Variants in DMD observed in about 807,000 individuals in gnomAD.
DMD encodes the protein dystrophin, also known as mutant dystrophin.
Under a neutral mutation model 330.1 loss-of-function variants are expected in DMD, and 63 were observed. The observed-to-expected ratio is 0.19, with a 90% CI of 0.16 to 0.24. DMD has a LOEUF of 0.24. Among genes scored for constraint, DMD ranks in the 10% least tolerant of loss-of-function variants. DMD has a pLI of 1.00. For missense variants in DMD, 3,344 were observed against 2,684.1 expected (o/e 1.25, Z -5.43); for synonymous variants, 1,223 against 959.8 (o/e 1.27, Z -5.07).
chrX:31,206,405 C>T (rs888599710), intron 66 of DMD, among the ~76,000 whole-genome samples, 177 bp downstream of exon 66: 5 of 112,374 alleles, frequency 4.4e-5, no homozygotes, highest in Non-Finnish European at 9.4e-5. Context: ...TAAATGCCTG[C>T]AATTTAATGT....
At chrX:32,083,913 A>G (rs2096412415) in intron 44 of DMD, among the ~76,000 whole-genome samples, 2 of 112,719 alleles carry the variant, frequency 1.8e-5, no homozygotes, top group South Asian at 7.2e-4. Flanking sequence ...ATGCAAATAT[A>G]TGCATAATCA....
chrX:31,861,502 C>T (rs1352230113), intron 48 of DMD, among the ~76,000 whole-genome samples: 1 of 105,182 alleles, frequency 9.5e-6, no homozygotes, highest in African/African-American at 3.5e-5. Context: ...AGCCAAAAGT[C>T]GAAACAAACT....
At position 33,206,832 on chromosome X, in the gene DMD, G is replaced by A. The variant is rs182532364; in HGVS notation, c.31+4450C>T. Among the ~76,000 whole-genome samples, 4 of 110,674 alleles carry A rather than the reference G, an allele frequency of 3.6e-5. No homozygotes were observed. In the Admixed American group the frequency reaches 3.8e-4, roughly 11 times the overall value. ...GTGTTTTTAATGGGAATGAGGTAGA[G>A]GTTGTATGGCCGTGAGATGAGGACT... is the stretch of plus-strand genomic sequence containing the variant. On this transcript the variant is annotated intron_variant, in intron 1 of 78. Coordinates refer to ENST00000357033, the MANE Select transcript of DMD (RefSeq NM_004006.3).
chrX:32,393,536 C>T (rs769364600), intron 30 of DMD, among the ~76,000 whole-genome samples: 28 of 111,492 alleles, frequency 2.5e-4, no homozygotes, highest in African/African-American at 6.8e-4. Flanking sequence ...GGAGGAAATG[C>T]GACTGTAAAT....
rs200338224 is a variant in DMD, at chrX:32,738,294, G to GA, written c.650-39002dup. On this transcript the variant is annotated intron_variant, in intron 7 of 78. Coordinates refer to ENST00000357033, the MANE Select transcript of DMD (RefSeq NM_004006.3). Reference sequence around the variant, plus strand: ...TTTAAAATCATCACTCCCTTATAAAGAAAAAAAAATCTATGCAGACATCCC... The same window carrying GA: ...TTTAAAATCATCACTCCCTTATAAAGAAAAAAAAAATCTATGCAGACATCCC... Among the ~76,000 whole-genome samples, 1,047 of 109,801 alleles carry GA rather than the reference G, an allele frequency of 9.5e-3. 10 individuals are homozygous for GA. The highest frequency in any genetic ancestry group is 0.03 in the African/African-American group (898 of 30,261).
intron 1 of DMD, among the ~76,000 whole-genome samples, chrX:33,070,970 G>A (rs1223589396): frequency 9.1e-6 from 1 of 109,812 alleles, no homozygotes; most frequent in Admixed American, 9.8e-5. Flanking sequence ...ATATTGTAAA[G>A]ATCTGTGCAG....
intron 17 of DMD, among the ~76,000 whole-genome samples, chrX:32,539,075 G>A (rs2048254768): frequency 9.0e-6 from 1 of 110,879 alleles, no homozygotes; most frequent in South Asian, 3.8e-4. Flanking sequence ...CACTGCTATT[G>A]ATTTATTCTT....
rs113019911 is a variant in DMD at position 32,856,481 on chromosome X, T to TAA, written c.94-6663_94-6662dup. ...TACGTAGTGGAGTACTACTCAGTCA[T>TAA]AAAAAAAAATGAGACGCTGTCATTT... On this transcript the variant is annotated intron_variant, in intron 2 of 78. Coordinates refer to ENST00000357033, the MANE Select transcript of DMD (RefSeq NM_004006.3). Among the ~76,000 whole-genome samples, 1,014 of 108,759 alleles carry TAA rather than the reference T, an allele frequency of 9.3e-3. 12 individuals carry two copies. The highest frequency in any genetic ancestry group is 0.032 in the African/African-American group (936 of 29,712). 94.4% of individuals were successfully genotyped at this position (108,759 alleles called of 115,157 possible). A position where few individuals can be genotyped will look rare whatever the true frequency, so the allele number is the denominator to read the frequency against.
chrX:32,413,180 G>C (rs1038583141), intron 29 of DMD, among the ~76,000 whole-genome samples: 15 of 110,248 alleles, frequency 1.4e-4, no homozygotes, highest in African/African-American at 5.0e-4. Flanking sequence ...CTCAAGTCCA[G>C]ATCTCCCCTT....
At chrX:31,785,996 T>A (rs2091278177) in intron 50 of DMD, among the ~76,000 whole-genome samples, 1 of 112,032 alleles carries the variant, frequency 8.9e-6, no homozygotes, top group African/African-American at 3.2e-5. Context: ...AAATGGTATT[T>A]CTGGTTGTAG....
chrX:31,926,969 A>C (rs555469255), intron 47 of DMD, among the ~76,000 whole-genome samples: 1 of 111,433 alleles, frequency 9.0e-6, no homozygotes. Context: ...GTAATAAGTA[A>C]GAGCTTGAGA....
At chrX:32,214,306 T>G (rs1385234408) in intron 44 of DMD, among the ~76,000 whole-genome samples, 1 of 109,451 alleles carries the variant, frequency 9.1e-6, no homozygotes, top group African/African-American at 3.3e-5. Context: ...TGAAGGACAG[T>G]GATCCTTGCC....
intron 1 of DMD, among the ~76,000 whole-genome samples, chrX:33,076,497 G>A (rs750746486): frequency 1.3e-3 from 150 of 111,476 alleles, no homozygotes; most frequent in Admixed American, 3.4e-3. Flanking sequence ...TAGGGTGATC[G>A]AGTGTCTGGT....
intron 7 of DMD, among the ~76,000 whole-genome samples, chrX:32,792,325 C>CA (rs200765693): frequency 0.023 from 2,475 of 108,329 alleles, 63 homozygotes; most frequent in African/African-American, 0.077. Context: ...TGCAAACACA[C>CA]AAAAAAAATC....
rs149888158 is a variant in DMD, at chrX:31,206,339, G to C, written c.9649+243C>G. On this transcript the variant is annotated intron_variant, in intron 66 of 78. Transcript: ENST00000357033. ...GGAACATGTGTTTTATTCAGACACA[G>C]TCAATGTAATGTAAAATAATACCTG... Among the ~76,000 whole-genome samples, 223 of 112,415 alleles carry C rather than the reference G, an allele frequency of 2.0e-3. 1 individual carries two copies. Among genetic ancestry groups the C allele is most frequent in the African/African-American group, 6.5e-3 (201 of 31,016 alleles).
At chrX:32,105,317 T>C (rs2096559407) in intron 44 of DMD, among the ~76,000 whole-genome samples, 1 of 112,107 alleles carries the variant, frequency 8.9e-6, no homozygotes. Context: ...TAGCTATTAG[T>C]GAATAATGAC....
chrX:32,819,028 C>CTTTT, intron 5 of DMD, among the ~76,000 whole-genome samples: 1 of 42,425 alleles, frequency 2.4e-5, no homozygotes, highest in African/African-American at 1.3e-4. Context: ...TTTTTTTTTC[C>CTTTT]AGGGCATGGC....
At chrX:32,518,401 G>A (rs138066099) in intron 17 of DMD, among the ~76,000 whole-genome samples, 392 of 109,275 alleles carry the variant, frequency 3.6e-3, no homozygotes, top group Non-Finnish European at 5.9e-3. Context: ...CTATTACCCA[G>A]CCTCTGCTTG....
intron 2 of DMD, among the ~76,000 whole-genome samples, chrX:32,882,828 T>C (rs757591879): frequency 1.1e-3 from 122 of 112,256 alleles, no homozygotes; most frequent in African/African-American, 3.8e-3. Flanking sequence ...ACTATACACA[T>C]AATATGGATT....
Sources: allele counts gnomAD v4.1 joint callset (sites outside exome capture counted in the v4.1 genomes callset), GRCh38; gene constraint gnomAD v4.1.1; transcripts MANE v1.5; gene names NCBI Gene and HGNC (gene_info 2026-07-23, HGNC 2026-07-21).